The following C1QTNF3 variants were observed in gnomAD, a reference collection of about 807,000 sequenced individuals.
C1QTNF3 encodes the protein complement C1q tumor necrosis factor-related protein 3.
A neutral mutation model predicts 32.6 loss-of-function variants in C1QTNF3; 26 were observed. The ratio of observed to expected loss-of-function variants is 0.80; its 90% CI spans 0.58 to 1.11. C1QTNF3 has a LOEUF of 1.11. C1QTNF3 is among the 50% of genes least tolerant of loss of function. The probability of loss-of-function intolerance (pLI) is 0.00; values close to 1 mark genes in which losing one functional copy is unlikely to be tolerated. For missense variants in C1QTNF3, 362 were observed against 398.2 expected, an observed-to-expected ratio of 0.91 and a Z score of 0.77; for synonymous variants, 155 against 146.0, an observed-to-expected ratio of 1.06 and a Z score of -0.44.
chr5:34,232,378 A>C, the C1QTNF3 span, among the ~76,000 whole-genome samples: 2 of 150,882 alleles, frequency 1.3e-5, no homozygotes, highest in Non-Finnish European at 3.0e-5. Flanking sequence ...TTGGTTTTGA[A>C]ATGTGAGAAG....
chr5:34,082,820 A>G, the C1QTNF3 span, among the ~76,000 whole-genome samples: 3 of 151,790 alleles, frequency 2.0e-5, no homozygotes, highest in South Asian at 2.1e-4. Context: ...GACATTTTAG[A>G]TAACTGAGTC....
At chr5:34,159,241 C>T in the C1QTNF3 span, among the ~76,000 whole-genome samples, 8 of 152,012 alleles carry the variant, frequency 5.3e-5, no homozygotes, top group Middle Eastern at 3.4e-3. Flanking sequence ...GCATTAATCA[C>T]GATTTAAAAA....
chr5:34,122,165 G>A, the C1QTNF3 span, among the ~76,000 whole-genome samples: 2 of 152,176 alleles, frequency 1.3e-5, no homozygotes, highest in African/African-American at 4.8e-5. Flanking sequence ...TTGGGATTGG[G>A]TAGTGGGTAG....
At chr5:34,066,048 G>A in the C1QTNF3 span, among the ~76,000 whole-genome samples, 1 of 152,160 alleles carries the variant, frequency 6.6e-6, no homozygotes, top group Non-Finnish European at 1.5e-5. Context: ...CTCTTTTGAG[G>A]TGTTATTCCC....
chr5:34,125,952 G>A, the C1QTNF3 span, among the ~76,000 whole-genome samples: 27 of 152,232 alleles, frequency 1.8e-4, no homozygotes, highest in Non-Finnish European at 3.2e-4. Context: ...CTTGCTTCAG[G>A]TGTATAAGAG....
chr5:34,210,137 T>C, the C1QTNF3 span, among the ~76,000 whole-genome samples: 6 of 152,006 alleles, frequency 3.9e-5, no homozygotes, highest in Non-Finnish European at 7.4e-5. Flanking sequence ...ATCCAAATAG[T>C]GATATTTTAG....
chr5:34,035,953 GA>G (rs1230205408), intron 1 of C1QTNF3, among the ~76,000 whole-genome samples, 195 bp from the exon 2 acceptor site: 1 of 136,432 alleles, frequency 7.3e-6, no homozygotes, highest in Non-Finnish European at 1.5e-5. Context: ...ATGATCAAAG[GA>G]AAAGGCAACA....
chr5:34,174,503 C>A, the C1QTNF3 span, among the ~76,000 whole-genome samples: 1 of 152,278 alleles, frequency 6.6e-6, no homozygotes, highest in East Asian at 1.9e-4. Flanking sequence ...CTCACCTCAT[C>A]ATGTTCATTC....
the C1QTNF3 span, chr5:34,176,061 G>C: frequency 3.3e-6 from 2 of 604,536 alleles, no homozygotes; most frequent in Admixed American, 5.5e-5. Flanking sequence ...TCCTCACTGG[G>C]GGCTGTAGTG....
the C1QTNF3 span, among the ~76,000 whole-genome samples, chr5:34,174,212 C>A: frequency 2.6e-5 from 4 of 152,184 alleles, no homozygotes; most frequent in Non-Finnish European, 1.5e-5. Flanking sequence ...TGCTCACCAC[C>A]ACGCAGGGAT....
At chr5:34,057,022 A>G in the C1QTNF3 span, among the ~76,000 whole-genome samples, 3 of 152,234 alleles carry the variant, frequency 2.0e-5, no homozygotes, top group African/African-American at 7.2e-5. Context: ...CTTTAAAAGT[A>G]GAACACTTAT....
chr5:34,179,482 AAAACAAACAAAC>A, the C1QTNF3 span, among the ~76,000 whole-genome samples: 1 of 151,840 alleles, frequency 6.6e-6, no homozygotes, highest in African/African-American at 2.4e-5. Context: ...ACCCTGCCCC[AAAACAAACAAAC>A]AAACAAACAA....
At chr5:34,068,090 T>C in the C1QTNF3 span, among the ~76,000 whole-genome samples, 1 of 152,184 alleles carries the variant, frequency 6.6e-6, no homozygotes, top group East Asian at 1.9e-4. Context: ...TAGTTTATTC[T>C]GACAAACATA....
At chr5:34,124,838 CA>C in the C1QTNF3 span, among the ~76,000 whole-genome samples, 1 of 152,122 alleles carries the variant, frequency 6.6e-6, no homozygotes, top group African/African-American at 2.4e-5. Flanking sequence ...AGTTCTTCTA[CA>C]AAAGTGATTG....
chr5:34,035,048 C>T (rs1228599424), intron 2 of C1QTNF3, among the ~76,000 whole-genome samples: 1 of 152,082 alleles, frequency 6.6e-6, no homozygotes, highest in Admixed American at 6.5e-5. Flanking sequence ...GCTTGGGAGC[C>T]CCATATTGAG....
chr5:34,219,082 A>T, the C1QTNF3 span, among the ~76,000 whole-genome samples: 1 of 152,102 alleles, frequency 6.6e-6, no homozygotes, highest in Non-Finnish European at 1.5e-5. Flanking sequence ...ATCACAAAGT[A>T]TATGGTCTCT....
chr5:34,183,319 T>C, the C1QTNF3 span, among the ~76,000 whole-genome samples: 10 of 151,872 alleles, frequency 6.6e-5, no homozygotes, highest in African/African-American at 2.4e-4. Flanking sequence ...ATTTAATTTT[T>C]TAATTTTCTT....
chr5:34,177,057 G>C, the C1QTNF3 span, among the ~76,000 whole-genome samples: 1 of 152,082 alleles, frequency 6.6e-6, no homozygotes, highest in Non-Finnish European at 1.5e-5. Context: ...GCTAGGTGTA[G>C]TGGCGCATGC....
At chr5:34,126,742 A>G in the C1QTNF3 span, among the ~76,000 whole-genome samples, 1 of 151,646 alleles carries the variant, frequency 6.6e-6, no homozygotes, top group Non-Finnish European at 1.5e-5. Context: ...TATATATACA[A>G]TGGAATATTA....
Sources: gnomAD v4.1 joint callset for allele counts (sites outside exome capture counted in the v4.1 genomes callset) on GRCh38, gnomAD v4.1.1 for gene constraint, MANE v1.5 for transcripts, NCBI Gene and HGNC (gene_info 2026-07-23, HGNC 2026-07-21) for gene names.